The following CLDN10 variants were observed in gnomAD, a reference collection of about 807,000 sequenced individuals.
CLDN10 encodes claudin 10.
Under a neutral mutation model 22.9 loss-of-function variants are expected in CLDN10, and 15 were observed. The ratio of observed to expected loss-of-function variants is 0.65; its 90% confidence interval spans 0.44 to 1.01. CLDN10 has a LOEUF of 1.01. CLDN10 is among the 50% of genes least tolerant of loss of function. The probability of loss-of-function intolerance (pLI) is 0.00; values close to 1 mark genes in which losing one functional copy is unlikely to be tolerated. For missense variants in CLDN10, 247 were observed against 287.8 expected (o/e 0.86, Z 1.03); for synonymous variants, 114 against 111.4 (o/e 1.02, Z -0.15).
chr13:95,570,608 G>T (rs2043841284), intron 3 of CLDN10, among the ~76,000 whole-genome samples: 2 of 151,964 alleles, frequency 1.3e-5, no homozygotes, highest in African/African-American at 4.8e-5. Flanking sequence ...GTTTGACTCA[G>T]CTCAGATCCT....
At chr13:95,480,669 T>G (rs1173505215) in intron 1 of CLDN10, among the ~76,000 whole-genome samples, 1 of 152,144 alleles carries the variant, frequency 6.6e-6, no homozygotes, top group East Asian at 1.9e-4. Context: ...CCCTCAAAAA[T>G]TCTGATTCAG....
intron 1 of CLDN10, among the ~76,000 whole-genome samples, chr13:95,523,439 C>A (rs917465443): frequency 6.6e-6 from 1 of 152,292 alleles, no homozygotes; most frequent in East Asian, 1.9e-4. Flanking sequence ...TTTACTCACA[C>A]ATTTGCTATT....
intron 1 of CLDN10, 135 bp downstream of exon 1, chr13:95,553,108 A>C: frequency 8.3e-7 from 1 of 1,202,860 alleles, no homozygotes; most frequent in Non-Finnish European, 1.1e-6. Context: ...CTCTCCCAAC[A>C]GGGCCTTAGG....
At chr13:95,513,118 G>A (rs1328010286) in intron 1 of CLDN10, among the ~76,000 whole-genome samples, 1 of 152,094 alleles carries the variant, frequency 6.6e-6, no homozygotes, top group East Asian at 1.9e-4. Flanking sequence ...GGGCTTAAGC[G>A]ATCCTCCCAC....
chr13:95,541,183 G>A (rs2043456321), intron 1 of CLDN10, among the ~76,000 whole-genome samples: 1 of 152,248 alleles, frequency 6.6e-6, no homozygotes, highest in Non-Finnish European at 1.5e-5. Context: ...ATCAGGCCTT[G>A]TGCAGAAAAT....
intron 1 of CLDN10, among the ~76,000 whole-genome samples, chr13:95,494,969 G>T (rs937364715): frequency 5.3e-5 from 8 of 151,752 alleles, no homozygotes; most frequent in Non-Finnish European, 1.2e-4. Flanking sequence ...TCATTTTAAG[G>T]ATGCAAAACC....
chr13:95,561,485 TG>T (rs1179653090), intron 3 of CLDN10, among the ~76,000 whole-genome samples: 3 of 152,200 alleles, frequency 2.0e-5, no homozygotes, highest in Admixed American at 1.3e-4. Flanking sequence ...AGCAGAGCAC[TG>T]CAAATATTAT....
At chr13:95,516,931 C>T (rs992782178) in intron 1 of CLDN10, among the ~76,000 whole-genome samples, 3 of 151,912 alleles carry the variant, frequency 2.0e-5, no homozygotes, top group Admixed American at 1.3e-4. Context: ...CCATACAGAC[C>T]ATTGTGATGA....
intron 1 of CLDN10, among the ~76,000 whole-genome samples, chr13:95,470,523 C>T (rs1327444334): frequency 6.6e-6 from 1 of 152,092 alleles, no homozygotes; most frequent in Non-Finnish European, 1.5e-5. Flanking sequence ...TCTTCTCTCC[C>T]CTTTTTCTTC....
chr13:95,572,280 T>C (rs766125725), intron 3 of CLDN10, among the ~76,000 whole-genome samples: 11 of 152,158 alleles, frequency 7.2e-5, no homozygotes, highest in Non-Finnish European at 1.3e-4. Context: ...TTGCATTGAT[T>C]GGGTTTTTTA....
intron 1 of CLDN10, among the ~76,000 whole-genome samples, chr13:95,541,317 T>A (rs2043458149): frequency 6.6e-6 from 1 of 152,200 alleles, no homozygotes; most frequent in African/African-American, 2.4e-5. Flanking sequence ...CAAGTGAGCA[T>A]AATTAGGAGA....
chr13:95,499,208 C>G (rs184629032), intron 1 of CLDN10, among the ~76,000 whole-genome samples: 1 of 152,242 alleles, frequency 6.6e-6, no homozygotes, highest in Non-Finnish European at 1.5e-5. Flanking sequence ...TGATTGGCAG[C>G]AATTATTAAG....
At position 95,445,922 on chromosome 13, in the gene CLDN10, G is replaced by A. The variant is rs565662174; in HGVS notation, c.214+11875G>A. ...TTGCATAGTTCTAGTCTTGCACACC[G>A]TATATTTTAAGGGACATGAACATAA... On this transcript the variant is annotated intron_variant, in intron 1 of 4. Coordinates refer to the CLDN10 transcript ENST00000376873. Among the ~76,000 whole-genome samples, 9 of 152,288 alleles carry A rather than the reference G, an allele frequency of 5.9e-5. No individual in the cohort carries two copies. In the South Asian group the frequency reaches 8.3e-4, roughly 14 times the overall value.
intron 1 of CLDN10, among the ~76,000 whole-genome samples, chr13:95,468,315 G>T (rs535909281): frequency 2.0e-5 from 3 of 152,076 alleles, no homozygotes; most frequent in Non-Finnish European, 4.4e-5. Context: ...TGCTTTTACC[G>T]TCTTTGACAG....
intron 1 of CLDN10, among the ~76,000 whole-genome samples, chr13:95,477,244 T>C (rs2042693497): frequency 1.3e-5 from 2 of 152,094 alleles, no homozygotes; most frequent in Admixed American, 1.3e-4. Flanking sequence ...CTTATTATGG[T>C]TTCCACAGGA....
chr13:95,521,573 T>C (rs1301578232), intron 1 of CLDN10, among the ~76,000 whole-genome samples: 1 of 152,182 alleles, frequency 6.6e-6, no homozygotes, highest in East Asian at 1.9e-4. Context: ...ATTACTGGAA[T>C]AAGTTTGCTA....
At chr13:95,571,498 C>A (rs1285499156) in intron 3 of CLDN10, among the ~76,000 whole-genome samples, 2 of 152,100 alleles carry the variant, frequency 1.3e-5, no homozygotes, top group African/African-American at 4.8e-5. Flanking sequence ...TGGCATCTGC[C>A]AGGCAGTGGG....
At chr13:95,456,962 T>C (rs944017301) in intron 1 of CLDN10, among the ~76,000 whole-genome samples, 1 of 152,148 alleles carries the variant, frequency 6.6e-6, no homozygotes, top group African/African-American at 2.4e-5. Flanking sequence ...TGTACAAATA[T>C]GTAAGACAGA....
At chr13:95,437,111 C>A (rs986187803) in intron 1 of CLDN10, among the ~76,000 whole-genome samples, 2 of 152,036 alleles carry the variant, frequency 1.3e-5, no homozygotes, top group African/African-American at 4.8e-5. Context: ...CTTCCCATAG[C>A]TAACCCTCTT....
Sources: allele counts gnomAD v4.1 joint callset (sites outside exome capture counted in the v4.1 genomes callset), GRCh38; gene constraint gnomAD v4.1.1; transcripts MANE v1.5; gene names NCBI Gene and HGNC (gene_info 2026-07-23, HGNC 2026-07-21).